Variants in CMTM6 observed in about 807,000 individuals in gnomAD.
CMTM6 encodes CKLF-like MARVEL transmembrane domain-containing protein 6.
CMTM6 carries 5 observed loss-of-function variants against 13.6 expected under a neutral mutation model. The ratio of observed to expected loss-of-function variants is 0.37; its 90% CI spans 0.19 to 0.77. The LOEUF (loss-of-function observed/expected upper bound fraction) is 0.77, where lower values mean the gene tolerates loss of function less well. CMTM6 is among the 30% of genes least tolerant of loss of function. The pLI, the probability that CMTM6 is intolerant of heterozygous loss-of-function variation, is 0.50. For synonymous variants in CMTM6, 99 were observed against 84.5 expected, an observed-to-expected ratio of 1.17 and a Z score of -0.94; for missense variants, 196 against 218.6, an observed-to-expected ratio of 0.90 and a Z score of 0.65.
chr3:32,491,041 A>T (rs1004679799), intron 2 of CMTM6, among the ~76,000 whole-genome samples: 6 of 152,246 alleles, frequency 3.9e-5, no homozygotes, highest in Non-Finnish European at 7.3e-5. Context: ...CATAAAACAA[A>T]TGAGTCCTGT....
In CMTM6 at chr3:32,498,908, G is replaced by A. The variant is rs72858895; in HGVS notation, c.138+3700C>T. Among the ~76,000 whole-genome samples the A allele has an allele frequency of 9.3e-3, 1,416 of 152,026 alleles. 26 individuals are homozygous for A. Among genetic ancestry groups the A allele is most frequent in the African/African-American group, 0.032 (1,310 of 41,442 alleles). On this transcript the variant is annotated intron_variant, in intron 1 of 3. Coordinates refer to ENST00000205636, the MANE Select transcript of CMTM6 (RefSeq NM_017801.3). ...TTCACTACCTTTTCTGAAATTTCAA[G>A]TGTTCCTTAAAACGGTCACTATATT... is the stretch of plus-strand genomic sequence containing the variant.
chr3:32,490,163 T>A (rs1037686900), intron 2 of CMTM6, among the ~76,000 whole-genome samples: 2 of 152,010 alleles, frequency 1.3e-5, no homozygotes, highest in African/African-American at 4.8e-5. Flanking sequence ...GGAGAATCGT[T>A]TGAACCCGGG....
intron 2 of CMTM6, among the ~76,000 whole-genome samples, chr3:32,488,913 C>T (rs943088518): frequency 6.6e-6 from 1 of 152,124 alleles, no homozygotes; most frequent in Non-Finnish European, 1.5e-5. Flanking sequence ...ATAGCCACTC[C>T]AAAGGGTTTT....
rs958185014 is a variant in CMTM6, at chr3:32,483,742, TAA to T, written c.*216_*217del. 4.2e-5 allele frequency: 14 copies of T among 332,538 alleles called. No homozygotes were observed. The highest frequency in any genetic ancestry group is 8.3e-4 in the Middle Eastern group (1 of 1,208). The allele number at this position is 332,538 out of a possible 1,614,324, so 20.6% of individuals were successfully genotyped here. A position where few individuals can be genotyped will look rare whatever the true frequency, so the allele number is the denominator to read the frequency against. ...CTCCCACCAAAATCTCCATTTGAGA[TAA>T]GTTTCAATTATTATTTAAAAAAAAA... On this transcript the variant is annotated 3_prime_UTR_variant, in exon 4 of 4. Coordinates refer to ENST00000205636, the MANE Select transcript of CMTM6 (RefSeq NM_017801.3).
chr3:32,487,847 C>G, intron 3 of CMTM6, 91 bp downstream of exon 3: 2 of 808,598 alleles, frequency 2.5e-6, no homozygotes, highest in South Asian at 2.0e-5. Context: ...AAAAACAACT[C>G]TAACATGCTG....
intron 1 of CMTM6, among the ~76,000 whole-genome samples, chr3:32,492,473 C>T (rs1309645824): frequency 2.0e-5 from 3 of 152,078 alleles, no homozygotes; most frequent in Non-Finnish European, 2.9e-5. Context: ...TAAATGTCCT[C>T]GTTAATTAAG....
intron 1 of CMTM6, among the ~76,000 whole-genome samples, chr3:32,501,207 AG>A (rs1421288443): frequency 2.0e-5 from 3 of 151,586 alleles, no homozygotes; most frequent in African/African-American, 4.8e-5. Context: ...AAAAAAAAAA[AG>A]CTTCAGATGA....
chr3:32,501,811 C>G (rs1367956918), intron 1 of CMTM6, among the ~76,000 whole-genome samples: 1 of 152,194 alleles, frequency 6.6e-6, no homozygotes, highest in Non-Finnish European at 1.5e-5. Context: ...TTCTATTTTT[C>G]CTAAACTGGT....
chr3:32,499,386 G>A (rs775603882), intron 1 of CMTM6, among the ~76,000 whole-genome samples: 47 of 152,190 alleles, frequency 3.1e-4, no homozygotes, highest in Non-Finnish European at 5.6e-4. Flanking sequence ...CTTGCCAGAT[G>A]AGCGACTAGA....
chr3:32,491,966 C>G (rs1443880881), intron 1 of CMTM6, 80 bp from the exon 2 acceptor site: 6 of 1,152,984 alleles, frequency 5.2e-6, no homozygotes, highest in Non-Finnish European at 6.0e-6. Context: ...CTGAATAATA[C>G]GTTTACTCAA....
chr3:32,489,615 G>A (rs1306136859), intron 2 of CMTM6, among the ~76,000 whole-genome samples: 1 of 151,216 alleles, frequency 6.6e-6, no homozygotes, highest in Non-Finnish European at 1.5e-5. Flanking sequence ...TCGTGCCATT[G>A]CACTCCAGCC....
chr3:32,487,962 CCT>C lies in CMTM6; in HGVS notation c.388_389del (p.Arg130AspfsTer4), dbSNP rs1324358906. 1 of 1,613,152 alleles carries C rather than the reference CCT, an allele frequency of 6.2e-7. No individual in the cohort carries two copies. The highest frequency in any genetic ancestry group is 1.7e-5 in the Admixed American group (1 of 59,982). ...ASIIFVSTHD[R>X]TSAEIAAIVF... The stretch of plus-strand genomic sequence containing the variant: ...CAATTGCAGCAATCTCAGCTGAAGT[CCT>C]GTCATGTGTGGAAACAAAAATGATG... On this transcript the variant is annotated frameshift_variant, in exon 3 of 4. Transcript: ENST00000205636. LOFTEE classifies it low-confidence loss of function (END_TRUNC).
At chr3:32,488,999 T>A (rs1366272632) in intron 2 of CMTM6, among the ~76,000 whole-genome samples, 2 of 152,338 alleles carry the variant, frequency 1.3e-5, no homozygotes, top group African/African-American at 4.8e-5. Flanking sequence ...CCAGGCACGG[T>A]GGCTCACGCC....
chr3:32,488,104 T>G (rs1333569106), intron 2 of CMTM6, 68 bp from the exon 3 acceptor site: 7 of 1,149,746 alleles, frequency 6.1e-6, no homozygotes, highest in Non-Finnish European at 8.8e-6. Context: ...ACTTTTTCAT[T>G]TTTAACTTTA....
intron 1 of CMTM6, among the ~76,000 whole-genome samples, chr3:32,493,951 AGG>A (rs2125658085): frequency 6.6e-6 from 1 of 152,266 alleles, no homozygotes; most frequent in South Asian, 2.1e-4. Context: ...AAGGCAGTGA[AGG>A]AGAGACAGCA....
intron 1 of CMTM6, among the ~76,000 whole-genome samples, chr3:32,495,909 G>C (rs1697285963): frequency 6.6e-6 from 1 of 152,172 alleles, no homozygotes; most frequent in African/African-American, 2.4e-5. Context: ...ATGGACATCT[G>C]GCAGGGCACA....
chr3:32,496,314 G>A (rs919439741), intron 1 of CMTM6, among the ~76,000 whole-genome samples: 1 of 151,902 alleles, frequency 6.6e-6, no homozygotes, highest in Non-Finnish European at 1.5e-5. Context: ...AGATGCGATG[G>A]CTCACATCTG....
chr3:32,494,731 T>C (rs1227933123), intron 1 of CMTM6, among the ~76,000 whole-genome samples: 2 of 152,064 alleles, frequency 1.3e-5, no homozygotes, highest in Admixed American at 6.5e-5. Flanking sequence ...CAGAGAATTA[T>C]TCAAAGGAAA....
chr3:32,502,714 G>C lies in CMTM6; in HGVS notation c.32C>G (p.Thr11Arg). The change falls in exon 1 of 4, where the codon ACG becomes AGG. Residue 11 changes from threonine to arginine, a missense_variant. Around this residue, in one of 2 missense-constraint regions of CMTM6, gnomAD observed 85 missense variants for 58.7 expected, o/e 1.45. Transcript: ENST00000205636. MENGAVYSPT[T>R]EEDPGPARGP... ...TCTGGCGGGGCCCGGGTCCTCCTCC[G>C]TAGTGGGGCTGTACACCGCTCCGTT... 1 of 1,578,236 alleles carries C rather than the reference G, an allele frequency of 6.3e-7. No individual in the cohort carries two copies. The highest frequency in any genetic ancestry group is 8.6e-7 in the Non-Finnish European group (1 of 1,165,566).
Sources: gnomAD v4.1 joint callset for allele counts (sites outside exome capture counted in the v4.1 genomes callset) on GRCh38, gnomAD v4.1.1 for gene constraint, gnomAD v4.1.1 regional missense constraint, MANE v1.5 for transcripts, NCBI Gene and HGNC (gene_info 2026-07-23, HGNC 2026-07-21) for gene names.